The following UBE2V2 variants were observed in gnomAD, a reference collection of about 807,000 sequenced individuals.
The protein encoded by UBE2V2 is ubiquitin-conjugating enzyme E2 variant 2.
Under a neutral mutation model 17.2 loss-of-function variants are expected in UBE2V2, and 9 were observed. That is an observed-to-expected ratio of 0.52 (90% CI 0.32 to 0.91). The LOEUF is 0.91. Among genes scored for constraint, UBE2V2 ranks in the 40% least tolerant of loss-of-function variants. The pLI, the probability that UBE2V2 is intolerant of heterozygous loss-of-function variation, is 0.04. For missense variants in UBE2V2, 133 were observed against 182.6 expected (o/e 0.73, Z 1.56); for synonymous variants, 61 against 57.5 (o/e 1.06, Z -0.28).
intron 3 of UBE2V2, among the ~76,000 whole-genome samples, chr8:48,059,350 C>T (rs551473287): frequency 9.2e-5 from 14 of 152,058 alleles, no homozygotes; most frequent in African/African-American, 2.9e-4. Flanking sequence ...TCTAGATTCC[C>T]AGGCCTGTTT....
At chr8:48,057,515 CT>C (rs1426144965) in intron 3 of UBE2V2, among the ~76,000 whole-genome samples, 2 of 152,060 alleles carry the variant, frequency 1.3e-5, no homozygotes, top group Non-Finnish European at 2.9e-5. Flanking sequence ...GTTGGCCAGG[CT>C]GGTCTCGAAC....
rs745940886 is a variant in UBE2V2, at chr8:48,049,837, GT to G, written c.166-10del. ...GTATTGTTATTTTGATTATCTTTTTGTTTTTTGCCTTCCAGACAAATTATGA... is the reference window on the plus strand; with the variant it reads ...GTATTGTTATTTTGATTATCTTTTTGTTTTTGCCTTCCAGACAAATTATGA... On this transcript the variant is annotated splice_polypyrimidine_tract_variant and intron_variant, in intron 2 of 3. Transcript: ENST00000523111. The G allele has an allele frequency of 9.2e-6, 14 of 1,527,312 alleles. No individual in the cohort carries two copies. Among genetic ancestry groups the G allele is most frequent in the African/African-American group, 1.5e-5 (1 of 68,718 alleles). The allele number at this position is 1,527,312 out of a possible 1,614,324, so 94.6% of individuals were successfully genotyped here. A position where few individuals can be genotyped will look rare whatever the true frequency, so the allele number is the denominator to read the frequency against.
chr8:48,007,635 A>C (rs2091193114), upstream of UBE2V2, among the ~76,000 whole-genome samples: 1 of 148,332 alleles, frequency 6.7e-6, no homozygotes, highest in Non-Finnish European at 1.5e-5. Context: ...AGCTGGTCTC[A>C]AAGTCTTGGG....
At chr8:48,050,004 T>TTA in intron 3 of UBE2V2, 26 bp downstream of exon 3, 1 of 1,436,140 alleles carries the variant, frequency 7.0e-7, no homozygotes, top group Admixed American at 2.4e-5. Context: ...CATTTTGGTT[T>TTA]TATATAACAT....
At chr8:48,003,086 T>C in the UBE2V2 span, among the ~76,000 whole-genome samples, 1 of 152,064 alleles carries the variant, frequency 6.6e-6, no homozygotes. Context: ...GGCGCATGCC[T>C]GTAGTCCCAG....
At chr8:47,997,706 G>C in the UBE2V2 span, among the ~76,000 whole-genome samples, 1 of 152,046 alleles carries the variant, frequency 6.6e-6, no homozygotes, top group Non-Finnish European at 1.5e-5. Context: ...ACTTCCCGGA[G>C]AGGAAGCAAG....
At chr8:48,054,707 T>G (rs969867612) in intron 3 of UBE2V2, among the ~76,000 whole-genome samples, 2 of 152,190 alleles carry the variant, frequency 1.3e-5, no homozygotes, top group Non-Finnish European at 2.9e-5. Context: ...GTAATTTTAG[T>G]TTATACGTAT....
chr8:48,009,944 C>T (rs1030535174), intron 1 of UBE2V2, among the ~76,000 whole-genome samples: 1 of 151,986 alleles, frequency 6.6e-6, no homozygotes, highest in Non-Finnish European at 1.5e-5. Flanking sequence ...GTTAACGGGG[C>T]CATATCTTTA....
intron 3 of UBE2V2, among the ~76,000 whole-genome samples, chr8:48,053,609 A>G (rs2091553396): frequency 6.6e-6 from 1 of 151,854 alleles, no homozygotes; most frequent in Non-Finnish European, 1.5e-5. Context: ...TATTTTTAAT[A>G]GAGACAGGGT....
chr8:48,000,791 C>T, the UBE2V2 span, among the ~76,000 whole-genome samples: 1 of 134,104 alleles, frequency 7.5e-6, no homozygotes, highest in Non-Finnish European at 1.5e-5. Flanking sequence ...CACTGCACTC[C>T]AGCCTGGGCA....
intron 1 of UBE2V2, 131 bp downstream of exon 1, chr8:48,008,601 C>T (rs566346461): frequency 3.0e-4 from 399 of 1,350,568 alleles, no homozygotes; most frequent in Non-Finnish European, 3.7e-4. Flanking sequence ...GCGCTCTCCG[C>T]AGAGCGTAGC....
chr8:48,055,438 C>T (rs538231718), intron 3 of UBE2V2, among the ~76,000 whole-genome samples: 3 of 151,550 alleles, frequency 2.0e-5, no homozygotes, highest in Non-Finnish European at 2.9e-5. Context: ...TGATTTCAGG[C>T]GATCCACCCA....
chr8:48,025,850 T>G (rs2091341518), intron 1 of UBE2V2, among the ~76,000 whole-genome samples: 1 of 152,064 alleles, frequency 6.6e-6, no homozygotes. Context: ...TCCGCCTGCC[T>G]TGGTCTCCCA....
chr8:48,058,567 C>T (rs2091588176), intron 3 of UBE2V2, among the ~76,000 whole-genome samples: 1 of 147,732 alleles, frequency 6.8e-6, no homozygotes, highest in Admixed American at 6.8e-5. Flanking sequence ...ACGAGTGAGA[C>T]CCTGTCTCAA....
At chr8:48,046,489 A>G (rs1035282465) in intron 2 of UBE2V2, among the ~76,000 whole-genome samples, 1 of 152,090 alleles carries the variant, frequency 6.6e-6, no homozygotes, top group Non-Finnish European at 1.5e-5. Context: ...CCGACCTCAG[A>G]TGATCCGCCC....
At position 48,021,945 on chromosome 8, in the gene UBE2V2, G is replaced by A. The variant is rs533756283; in HGVS notation, c.16+13475G>A. On this transcript the variant is annotated intron_variant, in intron 1 of 3. Transcript: ENST00000523111. ...TCCACCTGCCTCAGCCTCCCAAAGT[G>A]CTGGGATTGCAGGGGTGAGCCACCA... Among the ~76,000 whole-genome samples, 4 of 152,202 alleles carry A rather than the reference G, an allele frequency of 2.6e-5. No individual in the cohort carries two copies. In the East Asian group the frequency reaches 7.7e-4, roughly 29 times the overall value.
chr8:48,009,551 C>T (rs1022390134), intron 1 of UBE2V2, among the ~76,000 whole-genome samples: 1 of 152,150 alleles, frequency 6.6e-6, no homozygotes, highest in African/African-American at 2.4e-5. Context: ...CAGGTGTGAG[C>T]CACCGCGCTC....
intron 1 of UBE2V2, among the ~76,000 whole-genome samples, chr8:48,039,591 A>C (rs1367467767): frequency 7.2e-5 from 11 of 152,156 alleles, no homozygotes; most frequent in Admixed American, 7.2e-4. Flanking sequence ...TATGTTATTC[A>C]CATCCTTTTT....
chr8:48,010,512 C>T (rs2091221209), intron 1 of UBE2V2, among the ~76,000 whole-genome samples: 1 of 151,548 alleles, frequency 6.6e-6, no homozygotes, highest in African/African-American at 2.4e-5. Flanking sequence ...AGCGATTCTC[C>T]TGCCTCAGTC....
Sources: gnomAD v4.1 joint callset for allele counts (sites outside exome capture counted in the v4.1 genomes callset) on GRCh38, gnomAD v4.1.1 for gene constraint, MANE v1.5 for transcripts, NCBI Gene and HGNC (gene_info 2026-07-23, HGNC 2026-07-21) for gene names.